Variants in CSMD1 observed in about 807,000 individuals in gnomAD.
The protein encoded by CSMD1 is CUB and Sushi multiple domains 1, also known as CUB and sushi domain-containing protein 1.
A neutral mutation model predicts 417.5 loss-of-function variants in CSMD1; 213 were observed. That is an observed-to-expected ratio of 0.51 (90% CI 0.46 to 0.57). The LOEUF (loss-of-function observed/expected upper bound fraction) is 0.57, where lower values mean the gene tolerates loss of function less well. Ranked by LOEUF, CSMD1 falls within the 20% of genes least tolerant of loss-of-function variation. CSMD1 has a pLI of 0.00. For missense variants in CSMD1, 6,923 were observed against 4,529.7 expected (o/e 1.53, Z -15.17); for synonymous variants, 2,862 against 1,736.8 (o/e 1.65, Z -16.11).
At chr8:4,178,774 T>C (rs1201467750) in intron 3 of CSMD1, among the ~76,000 whole-genome samples, 3 of 152,146 alleles carry the variant, frequency 2.0e-5, no homozygotes, top group Non-Finnish European at 4.4e-5. Context: ...ACAAGCATTG[T>C]TATACACCAA....
chr8:4,597,729 T>G (rs1020072909), intron 2 of CSMD1, among the ~76,000 whole-genome samples: 4 of 152,116 alleles, frequency 2.6e-5, no homozygotes, highest in African/African-American at 9.7e-5. Context: ...CATGAAAAAC[T>G]GTAGTTTAGC....
At chr8:3,669,010 T>C (rs1016081050) in intron 7 of CSMD1, among the ~76,000 whole-genome samples, 4 of 152,162 alleles carry the variant, frequency 2.6e-5, no homozygotes, top group African/African-American at 9.6e-5. Flanking sequence ...AAATCTTTCA[T>C]TAAACAGACG....
intron 3 of CSMD1, among the ~76,000 whole-genome samples, chr8:4,151,616 G>A (rs1198188137): frequency 6.6e-6 from 1 of 152,108 alleles, no homozygotes; most frequent in South Asian, 2.1e-4. Flanking sequence ...ATTGTGACAT[G>A]TAGTTTCACT....
At chr8:4,639,442 G>A (rs1473964736) in intron 1 of CSMD1, among the ~76,000 whole-genome samples, 1 of 152,052 alleles carries the variant, frequency 6.6e-6, no homozygotes, top group African/African-American at 2.4e-5. Flanking sequence ...TAAGGGAATA[G>A]GATAACCCAC....
intron 1 of CSMD1, among the ~76,000 whole-genome samples, chr8:4,834,201 G>A (rs1023969156): frequency 2.0e-5 from 3 of 152,166 alleles, no homozygotes; most frequent in Non-Finnish European, 4.4e-5. Flanking sequence ...AATTTTAGAA[G>A]ACAATACATA....
intron 6 of CSMD1, among the ~76,000 whole-genome samples, chr8:3,717,599 TG>T (rs982077596): frequency 2.4e-4 from 37 of 152,190 alleles, no homozygotes; most frequent in African/African-American, 7.5e-4. Flanking sequence ...AAAATGTAAC[TG>T]TGTAAACCCA....
chr8:4,550,972 G>C (rs1436363031), intron 2 of CSMD1, among the ~76,000 whole-genome samples: 3 of 152,142 alleles, frequency 2.0e-5, no homozygotes. Flanking sequence ...TCATTAAAAA[G>C]AAATACACCA....
chr8:3,797,338 C>T (rs558558595), intron 5 of CSMD1, among the ~76,000 whole-genome samples: 24 of 152,036 alleles, frequency 1.6e-4, no homozygotes, highest in Non-Finnish European at 2.7e-4. Flanking sequence ...TGTTGACAAA[C>T]TGTTCACTGT....
In CSMD1 at chr8:4,074,038, T is replaced by A. The variant is rs146971735; in HGVS notation, c.416-41939A>T. Among the ~76,000 whole-genome samples, 670 of 152,256 alleles carry A rather than the reference T, an allele frequency of 4.4e-3. 4 individuals are homozygous for A. The highest frequency in any genetic ancestry group is 0.031 in the Middle Eastern group (9 of 294). On this transcript the variant is annotated intron_variant, in intron 3 of 69. Transcript: ENST00000635120. ...AAAATGCATTTATTGCTTCTGCTTT[T>A]AGACATTTAGTTTTGTTATAATATT...
intron 3 of CSMD1, among the ~76,000 whole-genome samples, chr8:4,415,049 C>A (rs1470881144): frequency 2.0e-5 from 3 of 152,140 alleles, no homozygotes; most frequent in Non-Finnish European, 4.4e-5. Context: ...GTTTCATAGT[C>A]CAGTGAAAGT....
intron 5 of CSMD1, among the ~76,000 whole-genome samples, chr8:3,802,748 G>T (rs532469538): frequency 2.0e-5 from 3 of 152,094 alleles, no homozygotes; most frequent in Non-Finnish European, 4.4e-5. Context: ...TCCCAAAAGC[G>T]TGATGCAAAT....
At chr8:4,035,576 G>A (rs1563345495) in intron 3 of CSMD1, among the ~76,000 whole-genome samples, 3 of 152,268 alleles carry the variant, frequency 2.0e-5, no homozygotes, top group Non-Finnish European at 4.4e-5. Context: ...GCTAGGGTGT[G>A]TGTTTGAGTC....
At chr8:4,042,616 G>A (rs1395158867) in intron 3 of CSMD1, among the ~76,000 whole-genome samples, 3 of 151,578 alleles carry the variant, frequency 2.0e-5, no homozygotes, top group African/African-American at 2.4e-5. Context: ...TACCCGTATG[G>A]GGAATTATAA....
chr8:4,676,712 G>C (rs1016898408), intron 1 of CSMD1, among the ~76,000 whole-genome samples: 3 of 151,942 alleles, frequency 2.0e-5, no homozygotes, highest in East Asian at 3.9e-4. Flanking sequence ...GTCATAGTTT[G>C]TGTTTCTAGA....
intron 5 of CSMD1, among the ~76,000 whole-genome samples, chr8:3,919,458 A>G (rs760553071): frequency 6.6e-6 from 1 of 151,744 alleles, no homozygotes; most frequent in African/African-American, 2.4e-5. Context: ...GCTTGAGTTC[A>G]CTTTCTGGCT....
At chr8:3,663,152 G>A (rs892236519) in intron 7 of CSMD1, among the ~76,000 whole-genome samples, 1 of 152,150 alleles carries the variant, frequency 6.6e-6, no homozygotes, top group African/African-American at 2.4e-5. Context: ...CAAAGAAAAG[G>A]TTAGGAAGAA....
chr8:3,386,406 C>T (rs568751626), intron 18 of CSMD1, among the ~76,000 whole-genome samples: 1 of 152,172 alleles, frequency 6.6e-6, no homozygotes, highest in Admixed American at 6.5e-5. Context: ...ACACTTCCCA[C>T]ACTTCCTGAG....
chr8:4,200,520 G>C (rs1799584507), intron 3 of CSMD1, among the ~76,000 whole-genome samples: 1 of 152,060 alleles, frequency 6.6e-6, no homozygotes, highest in Non-Finnish European at 1.5e-5. Flanking sequence ...AAATTATTTA[G>C]AAATGTATAT....
chr8:4,052,375 A>G (rs975220709), intron 3 of CSMD1, among the ~76,000 whole-genome samples: 2 of 152,230 alleles, frequency 1.3e-5, no homozygotes, highest in East Asian at 1.9e-4. Flanking sequence ...CTATTTTCAT[A>G]TAATATAATT....
Sources: gnomAD v4.1 joint callset for allele counts (sites outside exome capture counted in the v4.1 genomes callset) on GRCh38, gnomAD v4.1.1 for gene constraint, MANE v1.5 for transcripts, NCBI Gene and HGNC (gene_info 2026-07-23, HGNC 2026-07-21) for gene names.